The following ECHDC1 variants were observed in gnomAD, a reference collection of about 807,000 sequenced individuals.
ECHDC1 encodes ethylmalonyl-CoA decarboxylase.
Under a neutral mutation model 29.7 loss-of-function variants are expected in ECHDC1, and 29 were observed. The observed-to-expected ratio is 0.98, with a 90% confidence interval of 0.73 to 1.33. ECHDC1 has a LOEUF of 1.33. ECHDC1 is among the 40% of genes most tolerant of loss of function. ECHDC1 has a pLI of 0.00. For missense variants in ECHDC1, 328 were observed against 350.0 expected (o/e 0.94, Z 0.50); for synonymous variants, 126 against 123.1 (o/e 1.02, Z -0.15).
chr6:127,290,642 A>C (rs922932140), intron 5 of ECHDC1, among the ~76,000 whole-genome samples: 3 of 152,040 alleles, frequency 2.0e-5, no homozygotes, highest in Admixed American at 2.0e-4. Flanking sequence ...ACCGAAAAGC[A>C]TAGTAAGTTA....
chr6:127,304,254 C>A (rs564607204), intron 5 of ECHDC1, among the ~76,000 whole-genome samples: 21 of 152,274 alleles, frequency 1.4e-4, no homozygotes, highest in African/African-American at 4.6e-4. Context: ...AGAGTCTCTG[C>A]CTGGTAATCC....
chr6:127,316,126 A>G (rs1746338066), intron 4 of ECHDC1: 1 of 474,890 alleles, frequency 2.1e-6, no homozygotes, highest in African/African-American at 2.0e-5. Context: ...TGTCTTGATC[A>G]GTGTCTTTAT....
At chr6:127,315,515 C>T (rs1379932339) in intron 4 of ECHDC1, 2 of 219,034 alleles carry the variant, frequency 9.1e-6, no homozygotes, top group Non-Finnish European at 1.9e-5. Context: ...TGTGTGAATA[C>T]AAGGTAAATC....
intron 3 of ECHDC1, among the ~76,000 whole-genome samples, chr6:127,324,574 T>A (rs6937287): frequency 0.73 from 111,076 of 152,078 alleles, 40,743 homozygotes; most frequent in East Asian, 0.78. Context: ...TTAGTTTCTA[T>A]CACCATCCTC....
chr6:127,289,819 C>T lies in ECHDC1; in HGVS notation c.*50G>A. ...TATTTAATATCATTTAACATTTATA[C>T]ATATTAGTCACTGGAGCTTTACTTG... On this transcript the variant is annotated 3_prime_UTR_variant, in exon 6 of 6. Coordinates refer to ENST00000454859, the MANE Select transcript of ECHDC1 (RefSeq NM_001002030.2). 6.7e-7 allele frequency: 1 copy of T among 1,490,442 alleles called. No individual in the cohort carries two copies. Among genetic ancestry groups the T allele is most frequent in the African/African-American group, 1.4e-5 (1 of 71,202 alleles). The allele number at this position is 1,490,442 out of a possible 1,614,324, so 92.3% of individuals were successfully genotyped here. A position where few individuals can be genotyped will look rare whatever the true frequency, so the allele number is the denominator to read the frequency against.
intron 3 of ECHDC1, among the ~76,000 whole-genome samples, chr6:127,317,023 T>G (rs1782444229): frequency 6.6e-6 from 1 of 152,128 alleles, no homozygotes; most frequent in Non-Finnish European, 1.5e-5. Context: ...TTCAATCCAG[T>G]GTAATCTGGC....
intron 5 of ECHDC1, among the ~76,000 whole-genome samples, chr6:127,295,620 G>T (rs556525085): frequency 1.3e-5 from 2 of 152,324 alleles, no homozygotes; most frequent in African/African-American, 4.8e-5. Flanking sequence ...TATACTCATT[G>T]TAAGAAAGGA....
chr6:127,333,663 TCTTACA>T (rs973677783), intron 1 of ECHDC1, among the ~76,000 whole-genome samples: 4 of 125,282 alleles, frequency 3.2e-5, no homozygotes, highest in African/African-American at 1.2e-4. Context: ...ACTCTCTTTC[TCTTACA>T]CACACACACA....
At position 127,305,734 on chromosome 6, in the gene ECHDC1, T is replaced by A. The variant is rs558436654; in HGVS notation, c.497+9082A>T. On this transcript the variant is annotated intron_variant, in intron 5 of 5. Transcript: ENST00000454859. ...AAACAATGTTCAGTTGTTATCAGCT[T>A]AAAATAATGGGTGATAAGATAGTAT... Among the ~76,000 whole-genome samples, 357 of 152,274 alleles carry A rather than the reference T, an allele frequency of 2.3e-3. 1 individual carries two copies. Among genetic ancestry groups the A allele is most frequent in the Non-Finnish European group, 1.5e-3 (103 of 68,022 alleles).
intron 5 of ECHDC1, among the ~76,000 whole-genome samples, chr6:127,299,191 T>G (rs1780860735): frequency 6.6e-6 from 1 of 152,048 alleles, no homozygotes; most frequent in Admixed American, 6.6e-5. Flanking sequence ...TATTTTAGAG[T>G]GTTATTTTAC....
At chr6:127,337,710 G>A (rs6569483) in intron 1 of ECHDC1, among the ~76,000 whole-genome samples, 110,881 of 151,982 alleles carry the variant, frequency 0.73, 40,616 homozygotes, top group East Asian at 0.78. Context: ...TTGACTGTTC[G>A]CATCAACAAC....
chr6:127,322,973 C>G (rs565686736), intron 3 of ECHDC1, among the ~76,000 whole-genome samples: 14 of 152,044 alleles, frequency 9.2e-5, no homozygotes, highest in African/African-American at 3.4e-4. Context: ...TCTAAACGCT[C>G]CAAAATCTAA....
intron 1 of ECHDC1, among the ~76,000 whole-genome samples, chr6:127,341,086 A>T (rs1784902827): frequency 6.6e-6 from 1 of 152,192 alleles, no homozygotes; most frequent in African/African-American, 2.4e-5. Context: ...TTTTTCCAAG[A>T]AAATCTTGTA....
chr6:127,300,331 C>T (rs1363903710), intron 5 of ECHDC1, among the ~76,000 whole-genome samples: 1 of 152,036 alleles, frequency 6.6e-6, no homozygotes, highest in Non-Finnish European at 1.5e-5. Context: ...TAGATTGGCC[C>T]CGAAGAGATG....
rs759215826 is a variant in ECHDC1, at chr6:127,289,967, C to T, written c.808G>A (p.Glu270Lys). 6.2e-7 allele frequency: 1 copy of T among 1,613,660 alleles called. No homozygotes were observed. Among genetic ancestry groups the T allele is most frequent in the Non-Finnish European group, 8.5e-7 (1 of 1,179,726 alleles). Reference sequence around the variant, plus strand: ...TCTCTTTCGTTCTGTAATGCTTCCTCCAAATATAGCTCTCTGCCTGAACAA... The same window carrying T: ...TCTCTTTCGTTCTGTAATGCTTCCTTCAAATATAGCTCTCTGCCTGAACAA... ...SVCSGRELYL[E>K]EALQNERDLL... is the part of the protein sequence containing the mutation. Residue 270 changes from glutamate to lysine, a missense_variant, in exon 6 of 6, where the codon GAG (glutamate) becomes AAG (lysine). Transcript: ENST00000454859.
rs1403723088 is a variant in ECHDC1, at chr6:127,289,409, A to G, written c.*460T>C. 1 of 153,382 alleles carries G rather than the reference A, an allele frequency of 6.5e-6. No homozygotes were observed. Among genetic ancestry groups the G allele is most frequent in the African/African-American group, 2.4e-5 (1 of 41,424 alleles). 9.5% of individuals were successfully genotyped at this position (153,382 alleles called of 1,614,324 possible). A position where few individuals can be genotyped will look rare whatever the true frequency, so the allele number is the denominator to read the frequency against. On this transcript the variant is annotated 3_prime_UTR_variant, in exon 6 of 6. Coordinates refer to ENST00000454859, the MANE Select transcript of ECHDC1 (RefSeq NM_001002030.2). ...ACTCCAGCTGTTTGGAGCAGAAGAA[A>G]ATGATTGATCATACCCTTTCTTGTT... is the stretch of plus-strand genomic sequence containing the variant.
chr6:127,292,926 A>G (rs752425315), intron 5 of ECHDC1, among the ~76,000 whole-genome samples: 1 of 152,134 alleles, frequency 6.6e-6, no homozygotes, highest in Non-Finnish European at 1.5e-5. Context: ...AAAGAATGAT[A>G]AGTGTCTTCT....
chr6:127,309,415 T>C (rs957042952), intron 5 of ECHDC1, among the ~76,000 whole-genome samples: 1 of 145,774 alleles, frequency 6.9e-6, no homozygotes, highest in Non-Finnish European at 1.5e-5. Flanking sequence ...GACCCCTATC[T>C]ATCACCACAG....
intron 5 of ECHDC1, among the ~76,000 whole-genome samples, chr6:127,291,276 C>CTTT (rs57066162): frequency 0.083 from 11,111 of 133,152 alleles, 668 homozygotes; most frequent in Non-Finnish European, 0.13. Flanking sequence ...GCTCTTATAC[C>CTTT]TTTTTTTTTT....
Sources: gnomAD v4.1 joint callset for allele counts (sites outside exome capture counted in the v4.1 genomes callset) on GRCh38, gnomAD v4.1.1 for gene constraint, MANE v1.5 for transcripts, NCBI Gene and HGNC (gene_info 2026-07-23, HGNC 2026-07-21) for gene names.